SGIP1: variants seen among roughly 807,000 people sequenced by gnomAD.
SGIP1 encodes SH3GL interacting endocytic adaptor 1, also known as SH3-containing GRB2-like protein 3-interacting protein 1.
Under a neutral mutation model 107.5 loss-of-function variants are expected in SGIP1, and 38 were observed. The ratio of observed to expected loss-of-function variants is 0.35; its 90% CI spans 0.27 to 0.46. The LOEUF is 0.46. SGIP1 is among the 20% of genes least tolerant of loss of function. SGIP1 has a pLI of 1.00. For synonymous variants in SGIP1, 365 were observed against 366.1 expected, an observed-to-expected ratio of 1.00 and a Z score of 0.03; for missense variants, 929 against 1,019.5, an observed-to-expected ratio of 0.91 and a Z score of 1.21.
intron 9 of SGIP1, among the ~76,000 whole-genome samples, chr1:66,669,947 G>T (rs919170358): frequency 6.6e-6 from 1 of 152,166 alleles, no homozygotes; most frequent in Non-Finnish European, 1.5e-5. Flanking sequence ...TACTTTGAGA[G>T]AAGAAAATGT....
At chr1:66,706,451 TATATA>T (rs1170257073) in intron 18 of SGIP1, among the ~76,000 whole-genome samples, 7 of 115,688 alleles carry the variant, frequency 6.1e-5, no homozygotes, top group Non-Finnish European at 9.1e-5. Context: ...TACACATTTA[TATATA>T]ATATAAATTA....
At chr1:66,676,711 T>C (rs2085437269) in intron 12 of SGIP1, among the ~76,000 whole-genome samples, 1 of 152,156 alleles carries the variant, frequency 6.6e-6, no homozygotes, top group African/African-American at 2.4e-5. Flanking sequence ...GTACTGATAC[T>C]CAGAATGTCC....
intron 18 of SGIP1, among the ~76,000 whole-genome samples, chr1:66,717,476 G>A (rs1306970236): frequency 6.6e-6 from 1 of 152,090 alleles, no homozygotes; most frequent in Non-Finnish European, 1.5e-5. Flanking sequence ...TGGGTTTTAG[G>A]TACTGTCAAG....
At chr1:66,613,690 C>T (rs990907441) in intron 1 of SGIP1, among the ~76,000 whole-genome samples, 4 of 152,144 alleles carry the variant, frequency 2.6e-5, no homozygotes, top group African/African-American at 4.8e-5. Context: ...CTGGCAACCT[C>T]ATCTTCATGT....
At position 66,639,829 on chromosome 1, in the gene SGIP1, GAT is replaced by G; in HGVS notation, c.227_228del (p.Tyr76Ter). 1.2e-6 allele frequency: 2 copies of G among 1,610,810 alleles called. No individual in the cohort carries two copies. Among genetic ancestry groups the G allele is most frequent in the Non-Finnish European group, 1.7e-6 (2 of 1,177,678 alleles). ...TTTTATGCGGAAATTGATTGGGAAA[GAT>G]ATGTGAGTATCAGAAGAGTGTTTCT... is the stretch of plus-strand genomic sequence containing the variant. On this transcript the variant is annotated frameshift_variant and splice_region_variant, in exon 5 of 25. Transcript: ENST00000371037. LOFTEE classifies it high-confidence loss of function.
chr1:66,647,271 G>T (rs2077822516), intron 7 of SGIP1, among the ~76,000 whole-genome samples: 1 of 152,182 alleles, frequency 6.6e-6, no homozygotes, highest in Non-Finnish European at 1.5e-5. Context: ...CCATGCACCA[G>T]CCTTGGGATG....
intron 7 of SGIP1, among the ~76,000 whole-genome samples, chr1:66,644,445 G>A (rs940245934): frequency 6.6e-6 from 1 of 151,942 alleles, no homozygotes; most frequent in Non-Finnish European, 1.5e-5. Context: ...GTTCCAACAT[G>A]TACAGCCTTT....
intron 1 of SGIP1, among the ~76,000 whole-genome samples, chr1:66,549,543 G>A (rs2057070297): frequency 6.6e-6 from 1 of 152,166 alleles, no homozygotes; most frequent in Non-Finnish European, 1.5e-5. Flanking sequence ...CTATGTGTGT[G>A]TAGAGTCAAA....
At chr1:66,693,636 T>C (rs1339921831) in intron 17 of SGIP1, among the ~76,000 whole-genome samples, 1 of 152,244 alleles carries the variant, frequency 6.6e-6, no homozygotes, top group African/African-American at 2.4e-5. Context: ...GCATAAGACC[T>C]GTGGCATTGA....
intron 1 of SGIP1, among the ~76,000 whole-genome samples, chr1:66,601,071 A>G (rs2065704251): frequency 6.6e-6 from 1 of 152,132 alleles, no homozygotes; most frequent in Non-Finnish European, 1.5e-5. Context: ...GTCCTACTCA[A>G]AAGAAGTAAA....
Position 66,611,613 on chromosome 1 carries a change from C to A in SGIP1, c.11-14234C>A, listed in dbSNP as rs536598793. Among the ~76,000 whole-genome samples the A allele has an allele frequency of 7.9e-5, 12 of 152,318 alleles. No homozygotes were observed. In the South Asian group the frequency reaches 2.5e-3, roughly 32 times the overall value. On this transcript the variant is annotated intron_variant, in intron 1 of 24. Coordinates refer to ENST00000371037, the MANE Select transcript of SGIP1 (RefSeq NM_032291.4). ...GAGGTGACTTCTTCACATTCTCTTC[C>A]TTTTCCGTGGCAATCTTGGAGGCCA... is the stretch of plus-strand genomic sequence containing the variant.
At chr1:66,715,187 G>T (rs530047709) in intron 18 of SGIP1, among the ~76,000 whole-genome samples, 3 of 152,078 alleles carry the variant, frequency 2.0e-5, no homozygotes, top group Admixed American at 2.0e-4. Flanking sequence ...TCAACATTTG[G>T]ATAATGTTTG....
Position 66,679,688 on chromosome 1 carries a change from A to G in SGIP1, c.750A>G (p.Pro250=). 3 of 1,606,854 alleles carry G rather than the reference A, an allele frequency of 1.9e-6. No individual in the cohort carries two copies. Among genetic ancestry groups the G allele is most frequent in the Non-Finnish European group, 2.5e-6 (3 of 1,178,056 alleles). ...TRPFPTGTPP[P]LPPKNVPATP... is the part of the protein sequence containing the mutation. ...CTCATCTTTTTGCAGCACCTCCACC[A>G]CTGCCTCCAAAAAATGTACCAGCTA... Residue 250 remains proline, a synonymous_variant, in exon 14 of 25, where the codon CCA becomes CCG. Coordinates refer to ENST00000371037, the MANE Select transcript of SGIP1 (RefSeq NM_032291.4).
At chr1:66,590,833 C>A (rs970324028) in intron 1 of SGIP1, among the ~76,000 whole-genome samples, 1 of 150,302 alleles carries the variant, frequency 6.7e-6, no homozygotes, top group African/African-American at 2.4e-5. Context: ...GATCTGCCCC[C>A]CTCAACCTTC....
intron 9 of SGIP1, among the ~76,000 whole-genome samples, chr1:66,669,368 T>C (rs897802951): frequency 6.6e-6 from 1 of 152,208 alleles, no homozygotes; most frequent in African/African-American, 2.4e-5. Context: ...CAAAAAGGTC[T>C]TCAATACAAC....
At chr1:66,614,426 A>G (rs926489802) in intron 1 of SGIP1, among the ~76,000 whole-genome samples, 1 of 152,166 alleles carries the variant, frequency 6.6e-6, no homozygotes, top group African/African-American at 2.4e-5. Context: ...AAATATATTG[A>G]TGGTCATTAT....
At chr1:66,565,222 A>G (rs2059477908) in intron 1 of SGIP1, among the ~76,000 whole-genome samples, 1 of 152,096 alleles carries the variant, frequency 6.6e-6, no homozygotes, top group Non-Finnish European at 1.5e-5. Context: ...GTTTAGTGCT[A>G]GAAAACTTGT....
chr1:66,705,713 TTGTAACTGCAAGGAA>T (rs1001999575), intron 18 of SGIP1, among the ~76,000 whole-genome samples: 1 of 152,072 alleles, frequency 6.6e-6, no homozygotes, highest in African/African-American at 2.4e-5. Flanking sequence ...AGCATCCAAT[TTGTAACTGCAAGGAA>T]CCATTCAAGA....
chr1:66,689,100 T>C (rs1158329181), intron 15 of SGIP1, 48 bp from the exon 16 acceptor site: 1 of 1,590,318 alleles, frequency 6.3e-7, no homozygotes, highest in Non-Finnish European at 8.6e-7. Context: ...ATAACAGCGC[T>C]TTGGCCCCCT....
Sources: gnomAD v4.1 joint callset for allele counts (sites outside exome capture counted in the v4.1 genomes callset) on GRCh38, gnomAD v4.1.1 for gene constraint, MANE v1.5 for transcripts, NCBI Gene and HGNC (gene_info 2026-07-23, HGNC 2026-07-21) for gene names.